The following PTPRD variants were observed in gnomAD, a reference collection of about 807,000 sequenced individuals.
PTPRD encodes the protein protein tyrosine phosphatase receptor type D, also known as receptor-type tyrosine-protein phosphatase delta.
PTPRD carries 34 observed loss-of-function variants against 214.5 expected under a neutral mutation model. That is an observed-to-expected ratio of 0.16 (90% CI 0.12 to 0.21). PTPRD has a LOEUF of 0.21. PTPRD is among the 10% of genes least tolerant of loss of function. PTPRD has a pLI of 1.00. For synonymous variants in PTPRD, 1,128 were observed against 845.7 expected, an observed-to-expected ratio of 1.33 and a Z score of -5.79; for missense variants, 2,545 against 2,398.7, an observed-to-expected ratio of 1.06 and a Z score of -1.27.
chr9:9,603,656 T>G (rs2093943014), intron 7 of PTPRD, among the ~76,000 whole-genome samples: 1 of 152,000 alleles, frequency 6.6e-6, no homozygotes, highest in Non-Finnish European at 1.5e-5. Flanking sequence ...AGTTTGGAGC[T>G]CCTTATGAGA....
At chr9:10,242,362 G>C (rs2091247204) in intron 3 of PTPRD, among the ~76,000 whole-genome samples, 2 of 151,994 alleles carry the variant, frequency 1.3e-5, no homozygotes, top group South Asian at 4.1e-4. Flanking sequence ...CTTCACTGCA[G>C]TAGGCCAAAA....
intron 5 of PTPRD, among the ~76,000 whole-genome samples, chr9:9,855,550 G>T (rs1177915214): frequency 6.6e-6 from 1 of 152,080 alleles, no homozygotes; most frequent in Admixed American, 6.5e-5. Context: ...GAATTGTGAG[G>T]GTGCCTCATT....
intron 3 of PTPRD, among the ~76,000 whole-genome samples, chr9:10,246,220 T>G (rs773770165): frequency 6.6e-6 from 1 of 152,088 alleles, no homozygotes; most frequent in Non-Finnish European, 1.5e-5. Context: ...AGTGAAACAT[T>G]AGTACCAACT....
intron 34 of PTPRD, among the ~76,000 whole-genome samples, chr9:8,443,288 T>C (rs1275913988): frequency 6.6e-6 from 1 of 152,202 alleles, no homozygotes; most frequent in Non-Finnish European, 1.5e-5. Flanking sequence ...ACCTAGGTCA[T>C]ATGCCTAAAT....
chr9:8,911,415 T>TGTGTTTTGTGTGTG (rs1555510111), intron 11 of PTPRD, among the ~76,000 whole-genome samples: 1 of 127,632 alleles, frequency 7.8e-6, no homozygotes, highest in African/African-American at 2.7e-5. Context: ...TGTGTGTGTG[T>TGTGTTTTGTGTGTG]TGTGTGTGTG....
At chr9:9,978,692 G>T (rs138490281) in intron 4 of PTPRD, among the ~76,000 whole-genome samples, 1 of 151,950 alleles carries the variant, frequency 6.6e-6, no homozygotes, top group East Asian at 1.9e-4. Flanking sequence ...TATAATGACT[G>T]AGAATTTTAG....
intron 10 of PTPRD, among the ~76,000 whole-genome samples, chr9:9,135,718 A>G (rs1005085668): frequency 2.0e-5 from 3 of 152,204 alleles, no homozygotes; most frequent in Non-Finnish European, 4.4e-5. Context: ...CATATATCCT[A>G]TGTTAGAACT....
intron 9 of PTPRD, among the ~76,000 whole-genome samples, chr9:9,314,319 T>C (rs1340731352): frequency 2.0e-5 from 3 of 152,128 alleles, no homozygotes; most frequent in Non-Finnish European, 2.9e-5. Flanking sequence ...ACTGAATGAG[T>C]TGAAGAAACA....
At chr9:8,533,152 C>T (rs1331473587) in intron 14 of PTPRD, among the ~76,000 whole-genome samples, 4 of 152,048 alleles carry the variant, frequency 2.6e-5, no homozygotes. Flanking sequence ...TACTTTCACT[C>T]CACTTTCACA....
At chr9:10,462,197 G>T (rs1435424108) in intron 2 of PTPRD, among the ~76,000 whole-genome samples, 1 of 152,020 alleles carries the variant, frequency 6.6e-6, no homozygotes, top group South Asian at 2.1e-4. Flanking sequence ...TATGTGAGCT[G>T]ACAGTACACA....
rs2095936967 is a variant in PTPRD at position 9,641,221 on chromosome 9, T to C, written c.-286-66440A>G. On this transcript the variant is annotated intron_variant, in intron 7 of 45. Coordinates refer to ENST00000381196, the MANE Select transcript of PTPRD (RefSeq NM_002839.4). ...TCATTTCATCAAAATCATGATACTC[T>C]TGAGTGTTGGCAAGGAAATATCAGG... 1.3e-5 allele frequency among the ~76,000 whole-genome samples: 2 copies of C among 152,206 alleles called. 1 individual carries two copies. Among genetic ancestry groups the C allele is most frequent in the South Asian group, 4.1e-4 (2 of 4,830 alleles).
At chr9:10,571,655 G>A (rs184706682) in intron 2 of PTPRD, among the ~76,000 whole-genome samples, 107 of 152,242 alleles carry the variant, frequency 7.0e-4, no homozygotes, top group African/African-American at 2.1e-3. Context: ...ATATAAAACA[G>A]TGGTCCCCAA....
chr9:9,358,051 T>A (rs188177630), intron 9 of PTPRD, among the ~76,000 whole-genome samples: 64 of 151,436 alleles, frequency 4.2e-4, no homozygotes, highest in African/African-American at 1.4e-3. Context: ...CTATAAGATT[T>A]TTTTTGTTGC....
intron 5 of PTPRD, among the ~76,000 whole-genome samples, chr9:9,787,938 T>C (rs1035783314): frequency 6.6e-6 from 1 of 151,640 alleles, no homozygotes; most frequent in African/African-American, 2.4e-5. Context: ...CCTGCCACCA[T>C]GCCTGGCTAA....
chr9:9,342,096 A>G lies in PTPRD; in HGVS notation c.-203+55353T>C, dbSNP rs568198967. Among the ~76,000 whole-genome samples the G allele has an allele frequency of 4.6e-5, 7 of 152,314 alleles. No individual in the cohort carries two copies. The East Asian group carries it at 1.2e-3, about 25-fold the overall frequency. On this transcript the variant is annotated intron_variant, in intron 9 of 45. Coordinates refer to ENST00000381196, the MANE Select transcript of PTPRD (RefSeq NM_002839.4). ...AGTGCTGGGATTACAGGTGTGAGCC[A>G]CCACACCCAGCCAAGATTTTAAGAG...
intron 11 of PTPRD, among the ~76,000 whole-genome samples, chr9:8,893,322 A>C (rs1417194610): frequency 6.6e-6 from 1 of 152,166 alleles, no homozygotes; most frequent in African/African-American, 2.4e-5. Flanking sequence ...AGGAGACAGA[A>C]AGAGATAAAA....
intron 43 of PTPRD, among the ~76,000 whole-genome samples, chr9:8,332,950 G>T (rs557657501): frequency 6.6e-6 from 1 of 152,092 alleles, no homozygotes; most frequent in African/African-American, 2.4e-5. Flanking sequence ...ATGTTCCCAA[G>T]GTTCTGGGTA....
chr9:8,561,606 G>T (rs2086381329), intron 14 of PTPRD, among the ~76,000 whole-genome samples: 1 of 152,166 alleles, frequency 6.6e-6, no homozygotes, highest in South Asian at 2.1e-4. Context: ...AGGTGGGGGT[G>T]AGGGGGGGTG....
At chr9:8,602,946 A>G (rs2094957748) in intron 14 of PTPRD, among the ~76,000 whole-genome samples, 1 of 152,140 alleles carries the variant, frequency 6.6e-6, no homozygotes, top group Non-Finnish European at 1.5e-5. Flanking sequence ...AGTCAAACCC[A>G]CCACTGAATT....
Sources: gnomAD v4.1 joint callset for allele counts (sites outside exome capture counted in the v4.1 genomes callset) on GRCh38, gnomAD v4.1.1 for gene constraint, MANE v1.5 for transcripts, NCBI Gene and HGNC (gene_info 2026-07-23, HGNC 2026-07-21) for gene names.